Variants in FAM78B observed in about 807,000 individuals in gnomAD.
FAM78B encodes the protein family with sequence similarity 78 member B.
In FAM78B, 10 loss-of-function variants were observed where a neutral mutation model predicts 20.0. The ratio of observed to expected loss-of-function variants is 0.50; its 90% confidence interval spans 0.31 to 0.85. FAM78B has a LOEUF of 0.85. Ranked by LOEUF, FAM78B falls within the 40% of genes least tolerant of loss-of-function variation. The pLI, the probability that FAM78B is intolerant of heterozygous loss-of-function variation, is 0.05. For synonymous variants in FAM78B, 135 were observed against 132.8 expected, an observed-to-expected ratio of 1.02 and a Z score of -0.12; for missense variants, 283 against 345.0, an observed-to-expected ratio of 0.82 and a Z score of 1.42.
At chr1:166,163,246 G>A (rs1208452009) in intron 1 of FAM78B, among the ~76,000 whole-genome samples, 2 of 152,182 alleles carry the variant, frequency 1.3e-5, no homozygotes, top group African/African-American at 4.8e-5. Context: ...GAAATAAATA[G>A]GTGCCACAAC....
At chr1:166,068,419 A>C (rs1651883571), downstream of FAM78B, among the ~76,000 whole-genome samples, 1 of 152,196 alleles carries the variant, frequency 6.6e-6, no homozygotes, top group Non-Finnish European at 1.5e-5. Context: ...GTTATAAATA[A>C]CTTGCCATCA....
exon 3 of FAM78B, chr1:166,059,286 T>C (rs1362401676): frequency 6.6e-6 from 1 of 152,344 alleles, no homozygotes; most frequent in Non-Finnish European, 1.5e-5. Context: ...ATGGGGAAGG[T>C]GCAGAGAGGA....
chr1:166,138,741 T>C (rs6692196), intron 1 of FAM78B, among the ~76,000 whole-genome samples: 22,452 of 152,262 alleles, frequency 0.15, 1,978 homozygotes, highest in South Asian at 0.27. Flanking sequence ...TGTGTTTGTT[T>C]TTGAATTGTT....
intron 1 of FAM78B, among the ~76,000 whole-genome samples, chr1:166,098,382 C>T (rs907043424): frequency 5.3e-5 from 8 of 151,950 alleles, no homozygotes; most frequent in Non-Finnish European, 1.2e-4. Context: ...TTGATCCAAA[C>T]GAAGAAGAAA....
rs370407096 is a variant in FAM78B, at chr1:166,070,345, G to A, written c.682C>T (p.Pro228Ser). The A allele has an allele frequency of 1.6e-5, 25 of 1,612,012 alleles. No homozygotes were observed. The highest frequency in any genetic ancestry group is 1.8e-5 in the Non-Finnish European group (21 of 1,178,836). Residue 228 changes from proline to serine, a missense_variant, in exon 2 of 2, where the codon CCC becomes TCC. Transcript: ENST00000354422. ...TTCACTAGTGCATTAGGGGGGATGG[G>A]TTCCATCCGGCTCAGGATCCGGGGC... ...EQPRILSRME[P>S]IPPNALVKPN...
intron 1 of FAM78B, among the ~76,000 whole-genome samples, chr1:166,089,691 G>T (rs1182819616): frequency 6.6e-6 from 1 of 152,086 alleles, no homozygotes; most frequent in African/African-American, 2.4e-5. Context: ...CTGGGAACTG[G>T]CAAGGAAATA....
At chr1:166,083,798 G>A (rs1237836663) in intron 1 of FAM78B, among the ~76,000 whole-genome samples, 1 of 67,788 alleles carries the variant, frequency 1.5e-5, no homozygotes, top group Non-Finnish European at 2.6e-5. Flanking sequence ...CACGCACCCA[G>A]CTTTTTTTTT....
At chr1:166,141,010 G>T (rs1040434908) in intron 1 of FAM78B, among the ~76,000 whole-genome samples, 6 of 152,208 alleles carry the variant, frequency 3.9e-5, no homozygotes, top group Non-Finnish European at 8.8e-5. Context: ...CCAAAGCCAG[G>T]CTGCTGCACT....
At chr1:166,107,116 C>A (rs1165036288) in intron 1 of FAM78B, among the ~76,000 whole-genome samples, 1 of 151,902 alleles carries the variant, frequency 6.6e-6, no homozygotes, top group African/African-American at 2.4e-5. Context: ...ATAAACCAAA[C>A]CAAAACCCAG....
chr1:166,146,394 T>C lies in FAM78B; in HGVS notation c.263+19592A>G, dbSNP rs576100081. The stretch of plus-strand genomic sequence containing the variant: ...AGTCCTCTCATACCAAGTACAGTGC[T>C]TGCTATAAAGCTGGTACTTGATAAA... On this transcript the variant is annotated intron_variant, in intron 1 of 1. Coordinates refer to ENST00000354422, the MANE Select transcript of FAM78B (RefSeq NM_001017961.5). Among the ~76,000 whole-genome samples the C allele has an allele frequency of 3.9e-5, 6 of 152,350 alleles. No individual in the cohort carries two copies. In the South Asian group the frequency reaches 1.0e-3, roughly 26 times the overall value.
intron 1 of FAM78B, among the ~76,000 whole-genome samples, chr1:166,078,195 C>T (rs1424717873): frequency 1.3e-5 from 2 of 151,670 alleles, no homozygotes; most frequent in Non-Finnish European, 2.9e-5. Context: ...CCACACCCAA[C>T]TAATTTTTGT....
At chr1:166,062,608 A>G (rs1333461369) in intron 2 of FAM78B, among the ~76,000 whole-genome samples, 1 of 152,224 alleles carries the variant, frequency 6.6e-6, no homozygotes, top group Non-Finnish European at 1.5e-5. Context: ...TGCGTGTACA[A>G]AGAAATGGGT....
intron 1 of FAM78B, among the ~76,000 whole-genome samples, chr1:166,091,643 T>C (rs1653078213): frequency 2.0e-5 from 3 of 152,204 alleles, no homozygotes; most frequent in Admixed American, 2.0e-4. Context: ...TCAAGCCTAA[T>C]TCTTTACTGG....
chr1:166,111,952 A>G (rs1337379759), intron 1 of FAM78B, among the ~76,000 whole-genome samples: 1 of 152,318 alleles, frequency 6.6e-6, no homozygotes, highest in Non-Finnish European at 1.5e-5. Flanking sequence ...AGTTGAGTTC[A>G]GTTAAGTTGT....
intron 2 of FAM78B, among the ~76,000 whole-genome samples, chr1:166,061,247 A>G (rs1651585775): frequency 6.6e-6 from 1 of 152,242 alleles, no homozygotes; most frequent in Non-Finnish European, 1.5e-5. Context: ...TGGGTGAACT[A>G]AAGTTTTAAA....
intron 1 of FAM78B, among the ~76,000 whole-genome samples, chr1:166,158,842 G>C (rs913932116): frequency 4.3e-4 from 66 of 152,208 alleles, no homozygotes; most frequent in African/African-American, 1.4e-3. Flanking sequence ...AGCACCACGA[G>C]GACTCTGCTT....
chr1:166,112,651 T>G (rs1294138082), intron 1 of FAM78B, among the ~76,000 whole-genome samples: 2 of 152,204 alleles, frequency 1.3e-5, no homozygotes, highest in Admixed American at 1.3e-4. Context: ...TGGTGCTCCA[T>G]CACTCCATGA....
intron 1 of FAM78B, among the ~76,000 whole-genome samples, chr1:166,151,711 C>T (rs1383802140): frequency 6.6e-6 from 1 of 152,188 alleles, no homozygotes; most frequent in East Asian, 1.9e-4. Flanking sequence ...CTTCAAGTGC[C>T]AGACCCACTC....
Position 166,166,951 on chromosome 1 carries a change from G to A in FAM78B, c.-703C>T, listed in dbSNP as rs959931646. ...GTGGCCCGGGGTGGAGAGCCCCAAC[G>A]GCTGGAGCAGCACAGGACGTGCTCC... On this transcript the variant is annotated 5_prime_UTR_variant, in exon 1 of 2. Coordinates refer to ENST00000354422, the MANE Select transcript of FAM78B (RefSeq NM_001017961.5). 8 of 151,934 alleles carry A rather than the reference G, an allele frequency of 5.3e-5. No homozygotes were observed. Among genetic ancestry groups the A allele is most frequent in the South Asian group, 4.2e-4 (2 of 4,810 alleles). 9.4% of individuals were successfully genotyped at this position (151,934 alleles called of 1,614,324 possible). A position where few individuals can be genotyped will look rare whatever the true frequency, so the allele number is the denominator to read the frequency against.
Sources: gnomAD v4.1 joint callset for allele counts (sites outside exome capture counted in the v4.1 genomes callset) on GRCh38, gnomAD v4.1.1 for gene constraint, MANE v1.5 for transcripts, NCBI Gene and HGNC (gene_info 2026-07-23, HGNC 2026-07-21) for gene names.